MDGA2: variants seen among roughly 807,000 people sequenced by gnomAD.
MDGA2 encodes MAM domain containing glycosylphosphatidylinositol anchor 2, also known as MAM domain-containing glycosylphosphatidylinositol anchor protein 2.
MDGA2 carries 40 observed loss-of-function variants against 117.8 expected under a neutral mutation model. The observed-to-expected ratio is 0.34, with a 90% CI of 0.26 to 0.44. MDGA2 has a LOEUF of 0.44. Among genes scored for constraint, MDGA2 ranks in the 20% least tolerant of loss-of-function variants. The pLI, the probability that MDGA2 is intolerant of heterozygous loss-of-function variation, is 1.00. For synonymous variants in MDGA2, 452 were observed against 439.0 expected, an observed-to-expected ratio of 1.03 and a Z score of -0.37; for missense variants, 1,123 against 1,250.6, an observed-to-expected ratio of 0.90 and a Z score of 1.54.
At chr14:47,494,898 AATATATATTGTGTATATGTGTAT>A (rs1894247981) in intron 1 of MDGA2, among the ~76,000 whole-genome samples, 1 of 147,638 alleles carries the variant, frequency 6.8e-6, no homozygotes, top group Admixed American at 6.8e-5. Context: ...ATATATGTAA[AATATATATTGTGTATATGTGTAT>A]ATATATATTT....
At chr14:46,900,889 T>TA (rs1026435095) in intron 10 of MDGA2, among the ~76,000 whole-genome samples, 1 of 152,162 alleles carries the variant, frequency 6.6e-6, no homozygotes, top group African/African-American at 2.4e-5. Flanking sequence ...TTGGTTTTCA[T>TA]AATGTACTTG....
chr14:47,237,039 A>C (rs1886886786), intron 2 of MDGA2, among the ~76,000 whole-genome samples: 1 of 152,122 alleles, frequency 6.6e-6, no homozygotes, highest in Admixed American at 6.5e-5. Context: ...TCCTATAAAA[A>C]TAGCTATTGC....
intron 1 of MDGA2, among the ~76,000 whole-genome samples, chr14:47,456,832 T>C (rs987043343): frequency 1.3e-5 from 2 of 152,138 alleles, no homozygotes; most frequent in Admixed American, 1.3e-4. Flanking sequence ...TGTGTGAATA[T>C]GTTCTGGTTA....
At chr14:47,299,027 T>A (rs573634374) in intron 2 of MDGA2, among the ~76,000 whole-genome samples, 2 of 152,186 alleles carry the variant, frequency 1.3e-5, no homozygotes, top group South Asian at 4.1e-4. Context: ...CTGAAACTGA[T>A]TCACCTGCAA....
At chr14:47,135,238 C>A (rs1882395412) in intron 4 of MDGA2, among the ~76,000 whole-genome samples, 1 of 151,962 alleles carries the variant, frequency 6.6e-6, no homozygotes. Context: ...ATAATTTAGT[C>A]ATTTCTTGGT....
chr14:47,096,806 G>C (rs749538225), intron 6 of MDGA2, 48 bp downstream of exon 6: 23 of 1,583,234 alleles, frequency 1.5e-5, no homozygotes, highest in Non-Finnish European at 1.8e-5. Context: ...TGCTTTTTGA[G>C]AGCCTAACCT....
intron 3 of MDGA2, among the ~76,000 whole-genome samples, chr14:47,167,796 T>C (rs942757955): frequency 6.6e-6 from 1 of 152,176 alleles, no homozygotes; most frequent in Non-Finnish European, 1.5e-5. Context: ...TTACTCTAAA[T>C]ACAATTATTT....
chr14:47,042,310 ATGTTTT>A (rs1321876537), intron 7 of MDGA2, among the ~76,000 whole-genome samples: 2 of 94,962 alleles, frequency 2.1e-5, no homozygotes, highest in African/African-American at 8.6e-5. Flanking sequence ...AACCAAATCT[ATGTTTT>A]TTTTTTTTTT....
At chr14:47,206,844 T>C (rs540651341) in intron 3 of MDGA2, among the ~76,000 whole-genome samples, 6 of 152,016 alleles carry the variant, frequency 3.9e-5, no homozygotes, top group East Asian at 1.9e-4. Flanking sequence ...AGAGCTATTA[T>C]TGCACCACTG....
chr14:47,575,464 G>A (rs960501588), intron 1 of MDGA2, among the ~76,000 whole-genome samples: 1 of 152,154 alleles, frequency 6.6e-6, no homozygotes, highest in Admixed American at 6.6e-5. Context: ...CTTTAAAACT[G>A]TGTAGACTCT....
At chr14:47,261,650 A>G (rs1159274590) in intron 2 of MDGA2, among the ~76,000 whole-genome samples, 1 of 152,136 alleles carries the variant, frequency 6.6e-6, no homozygotes, top group African/African-American at 2.4e-5. Context: ...TCACTTCAAG[A>G]AAGGTTTTTC....
At position 47,613,313 on chromosome 14, in the gene MDGA2, T is replaced by C. The variant is rs376009893; in HGVS notation, c.280+61204A>G. ...AAACATATCCTATTCAAATGAATTC[T>C]ACATCTGAACACATTAGCAAAGTTT... On this transcript the variant is annotated intron_variant, in intron 1 of 16. Coordinates refer to ENST00000399232, the MANE Select transcript of MDGA2 (RefSeq NM_001113498.3). Among the ~76,000 whole-genome samples, 24 of 152,280 alleles carry C rather than the reference T, an allele frequency of 1.6e-4. No individual in the cohort carries two copies. In the East Asian group the frequency reaches 4.1e-3, roughly 26 times the overall value.
At chr14:47,576,220 A>G (rs1896113104) in intron 1 of MDGA2, among the ~76,000 whole-genome samples, 1 of 152,226 alleles carries the variant, frequency 6.6e-6, no homozygotes, top group African/African-American at 2.4e-5. Flanking sequence ...TTTTTATGAA[A>G]TATTTAAGCT....
chr14:47,421,588 G>A (rs1182110153), intron 1 of MDGA2, among the ~76,000 whole-genome samples: 1 of 152,056 alleles, frequency 6.6e-6, no homozygotes, highest in Non-Finnish European at 1.5e-5. Context: ...TTGATATTCA[G>A]GGAAAATATT....
intron 5 of MDGA2, among the ~76,000 whole-genome samples, chr14:47,111,217 C>G (rs1188962137): frequency 6.6e-6 from 1 of 152,090 alleles, no homozygotes; most frequent in Non-Finnish European, 1.5e-5. Context: ...TTGATAACCC[C>G]TAAGTCACAC....
chr14:46,890,592 A>T (rs1882843341), intron 10 of MDGA2, among the ~76,000 whole-genome samples: 1 of 152,096 alleles, frequency 6.6e-6, no homozygotes, highest in Non-Finnish European at 1.5e-5. Context: ...TGGGTCTCTC[A>T]GTCTTTCATG....
intron 8 of MDGA2, among the ~76,000 whole-genome samples, chr14:47,001,593 C>G (rs1488842382): frequency 6.6e-6 from 1 of 152,014 alleles, no homozygotes; most frequent in Non-Finnish European, 1.5e-5. Context: ...AAATCAAACA[C>G]TATTCAATAC....
intron 1 of MDGA2, among the ~76,000 whole-genome samples, chr14:47,440,309 A>T (rs993992512): frequency 6.6e-6 from 1 of 152,048 alleles, no homozygotes. Context: ...CTGAAGTGTG[A>T]TCTCCACTAT....
At chr14:47,378,912 T>C (rs1891543222) in intron 1 of MDGA2, among the ~76,000 whole-genome samples, 2 of 152,060 alleles carry the variant, frequency 1.3e-5, no homozygotes, top group South Asian at 2.1e-4. Context: ...AGACACATAA[T>C]TGTCAGATTC....
Sources: gnomAD v4.1 joint callset for allele counts (sites outside exome capture counted in the v4.1 genomes callset) on GRCh38, gnomAD v4.1.1 for gene constraint, MANE v1.5 for transcripts, NCBI Gene and HGNC (gene_info 2026-07-23, HGNC 2026-07-21) for gene names.